PDZD2: variants seen among roughly 807,000 people sequenced by gnomAD.
PDZD2 encodes PDZ domain containing 2, also known as PDZ domain-containing protein 2.
PDZD2 carries 90 observed loss-of-function variants against 220.7 expected under a neutral mutation model. The observed-to-expected ratio is 0.41, with a 90% CI of 0.34 to 0.49. The LOEUF is 0.49. Ranked by LOEUF, PDZD2 falls within the 20% of genes least tolerant of loss-of-function variation. The pLI is 0.28. For synonymous variants in PDZD2, 1,375 were observed against 1,450.5 expected, an observed-to-expected ratio of 0.95 and a Z score of 1.18; for missense variants, 3,174 against 3,608.5, an observed-to-expected ratio of 0.88 and a Z score of 3.08.
intron 1 of PDZD2, among the ~76,000 whole-genome samples, chr5:31,668,022 C>T (rs1043637256): frequency 6.6e-6 from 1 of 151,886 alleles, no homozygotes; most frequent in African/African-American, 2.4e-5. Context: ...CCACTACGCC[C>T]GGCTACTTTT....
intron 5 of PDZD2, among the ~76,000 whole-genome samples, chr5:32,006,353 ATT>A (rs71912250): frequency 0.043 from 5,746 of 134,308 alleles, 350 homozygotes; most frequent in African/African-American, 0.14. Flanking sequence ...AGGAAGTACA[ATT>A]TTTTTTTTTT....
At chr5:31,676,978 T>C (rs6891459) in intron 1 of PDZD2, among the ~76,000 whole-genome samples, 62,735 of 151,980 alleles carry the variant, frequency 0.41, 13,414 homozygotes, top group Non-Finnish European at 0.47. Flanking sequence ...ATCCTATTCC[T>C]TCCCCTGCCA....
intron 3 of PDZD2, among the ~76,000 whole-genome samples, chr5:31,988,187 C>A (rs1214738975): frequency 6.6e-6 from 1 of 152,194 alleles, no homozygotes; most frequent in Non-Finnish European, 1.5e-5. Context: ...CACACACACG[C>A]ACACTGTAGC....
intron 1 of PDZD2, among the ~76,000 whole-genome samples, chr5:31,648,692 T>C (rs1745226675): frequency 6.6e-6 from 1 of 151,614 alleles, no homozygotes; most frequent in East Asian, 2.0e-4. Context: ...TTTTTTAATA[T>C]AGCAATTTTA....
At chr5:31,943,464 C>T (rs1296066694) in intron 2 of PDZD2, among the ~76,000 whole-genome samples, 3 of 152,018 alleles carry the variant, frequency 2.0e-5, no homozygotes, top group Admixed American at 1.3e-4. Flanking sequence ...ATGAAGAAGG[C>T]GCATCCTAAA....
At chr5:31,697,738 C>T (rs1747433055) in intron 1 of PDZD2, among the ~76,000 whole-genome samples, 1 of 152,142 alleles carries the variant, frequency 6.6e-6, no homozygotes, top group Non-Finnish European at 1.5e-5. Context: ...CAGGAGACCT[C>T]TGAGATTACT....
intron 5 of PDZD2, among the ~76,000 whole-genome samples, chr5:32,005,459 T>TG (rs11460330): frequency 7.9e-5 from 12 of 151,996 alleles, no homozygotes; most frequent in Non-Finnish European, 1.6e-4. Context: ...CTCGCTTTTT[T>TG]GCTTTTTTCA....
At chr5:31,936,679 T>C (rs1439777673) in intron 2 of PDZD2, among the ~76,000 whole-genome samples, 1 of 152,214 alleles carries the variant, frequency 6.6e-6, no homozygotes, top group Non-Finnish European at 1.5e-5. Context: ...GAACAAATAC[T>C]TTGAAGGGAG....
chr5:31,749,423 ATTT>A (rs34580721), intron 1 of PDZD2, among the ~76,000 whole-genome samples: 51,105 of 139,814 alleles, frequency 0.37, 9,238 homozygotes, highest in African/African-American at 0.46. Context: ...TCACTGTGTG[ATTT>A]TTTTTTTTTT....
Position 32,090,950 on chromosome 5 carries a change from A to C in PDZD2, c.7502A>C (p.Tyr2501Ser). ...CTTGACAAGCTCTGCAGCGAGGATTACTCAGCAGGGCCGAGCGCCGTGCTC... is the reference window on the plus strand; with the variant it reads ...CTTGACAAGCTCTGCAGCGAGGATTCCTCAGCAGGGCCGAGCGCCGTGCTC... ...PDLDKLCSEDYSAGPSAVLFK... is the reference protein window; with the variant it reads ...PDLDKLCSEDSSAGPSAVLFK... Residue 2501 changes from tyrosine to serine, a missense_variant, in exon 20 of 25, where the codon TAC (tyrosine) becomes TCC (serine). This residue lies in a region of PDZD2 where 631 missense variants were observed against 789.9 expected (regional missense o/e 0.80). Transcript: ENST00000438447. This position sits in a 1 kb window ranked among gnomAD's most constrained non-coding sequence, Gnocchi z 4.3. 6.2e-7 allele frequency: 1 copy of C among 1,613,862 alleles called. No individual in the cohort carries two copies. Among genetic ancestry groups the C allele is most frequent in the Non-Finnish European group, 8.5e-7 (1 of 1,179,978 alleles).
intron 1 of PDZD2, among the ~76,000 whole-genome samples, chr5:31,652,256 G>T (rs1338700409): frequency 6.6e-6 from 1 of 152,104 alleles, no homozygotes; most frequent in Non-Finnish European, 1.5e-5. Context: ...GCTTCCCAAA[G>T]TGACAGGATT....
chr5:31,926,343 A>G (rs1307570381), intron 2 of PDZD2, among the ~76,000 whole-genome samples: 1 of 151,158 alleles, frequency 6.6e-6, no homozygotes, highest in African/African-American at 2.5e-5. Flanking sequence ...AGCGGCCAAC[A>G]TGGCAAAACC....
chr5:31,873,576 T>TATTA (rs1739029055), intron 2 of PDZD2, among the ~76,000 whole-genome samples: 1 of 150,688 alleles, frequency 6.6e-6, no homozygotes, highest in Admixed American at 6.6e-5. Context: ...TTTATTTATT[T>TATTA]ATTTAATAAA....
At position 32,110,907 on chromosome 5, in the gene PDZD2, AAAT is replaced by A. The variant is rs760588792; in HGVS notation, c.*2775_*2777del. On this transcript the variant is annotated 3_prime_UTR_variant, in exon 25 of 25. Transcript: ENST00000438447. The stretch of plus-strand genomic sequence containing the variant: ...AACCTTTTTTAAGTAATTTTAAAAA[AAAT>A]AAACACTCTGCTTACTACTTGATTT... 6.6e-6 allele frequency: 1 copy of A among 152,212 alleles called. No homozygotes were observed. Among genetic ancestry groups the A allele is most frequent in the Non-Finnish European group, 1.5e-5 (1 of 68,024 alleles). 9.4% of individuals were successfully genotyped at this position (152,212 alleles called of 1,614,324 possible).
intron 2 of PDZD2, among the ~76,000 whole-genome samples, chr5:31,927,168 T>C (rs893566004): frequency 1.3e-5 from 2 of 152,078 alleles, no homozygotes; most frequent in African/African-American, 4.8e-5. Context: ...CATCATACAA[T>C]ATACCCAGGT....
intron 21 of PDZD2, among the ~76,000 whole-genome samples, chr5:32,095,397 T>G (rs1002042716): frequency 2.0e-5 from 3 of 152,234 alleles, no homozygotes; most frequent in African/African-American, 7.2e-5. Flanking sequence ...TGCCTTGCTT[T>G]TTCCAATGAG....
intron 1 of PDZD2, among the ~76,000 whole-genome samples, chr5:31,674,097 C>T (rs541223143): frequency 3.3e-5 from 5 of 152,208 alleles, no homozygotes; most frequent in Non-Finnish European, 7.3e-5. Context: ...GACTTCCCAG[C>T]CTCCAGAACC....
chr5:31,679,910 A>G (rs1746586546), intron 1 of PDZD2, among the ~76,000 whole-genome samples: 1 of 152,214 alleles, frequency 6.6e-6, no homozygotes. Flanking sequence ...TCACCTTCCA[A>G]GTGTCTGTGG....
intron 2 of PDZD2, among the ~76,000 whole-genome samples, chr5:31,885,918 T>G (rs1239923342): frequency 8.5e-6 from 1 of 117,394 alleles, no homozygotes; most frequent in African/African-American, 3.1e-5. Context: ...GTTAGTTTTT[T>G]GGTTTTTTTT....
Sources: gnomAD v4.1 joint callset for allele counts (sites outside exome capture counted in the v4.1 genomes callset) on GRCh38, gnomAD v4.1.1 for gene constraint, gnomAD v4.1.1 regional missense constraint, Gnocchi (gnomAD v3.1) non-coding constraint, MANE v1.5 for transcripts, NCBI Gene and HGNC (gene_info 2026-07-23, HGNC 2026-07-21) for gene names.